The following PRKAG2 variants were observed in gnomAD, a reference collection of about 807,000 sequenced individuals.
PRKAG2 encodes 5'-AMP-activated protein kinase subunit gamma-2.
A neutral mutation model predicts 69.6 loss-of-function variants in PRKAG2; 26 were observed. The ratio of observed to expected loss-of-function variants is 0.37; its 90% confidence interval spans 0.27 to 0.52. The LOEUF is 0.52. PRKAG2 is among the 20% of genes least tolerant of loss of function. PRKAG2 has a pLI of 0.90. For synonymous variants in PRKAG2, 293 were observed against 285.0 expected (o/e 1.03, Z -0.28); for missense variants, 557 against 740.0 (o/e 0.75, Z 2.87).
intron 3 of PRKAG2, among the ~76,000 whole-genome samples, chr7:151,734,917 T>A (rs1270024239): frequency 7.0e-6 from 1 of 143,572 alleles, no homozygotes; most frequent in Non-Finnish European, 1.5e-5. Context: ...TGCAGTGGTG[T>A]GACCTGGGCT....
At chr7:151,716,616 A>G (rs1191403396) in intron 3 of PRKAG2, among the ~76,000 whole-genome samples, 1 of 151,982 alleles carries the variant, frequency 6.6e-6, no homozygotes, top group Non-Finnish European at 1.5e-5. Context: ...AGGGTATGGG[A>G]CACTGTTGCC....
At chr7:151,581,609 A>G (rs1453726386) in intron 6 of PRKAG2, among the ~76,000 whole-genome samples, 1 of 152,220 alleles carries the variant, frequency 6.6e-6, no homozygotes, top group Admixed American at 6.5e-5. Flanking sequence ...AAGAATAAAT[A>G]TTGCTATTAG....
chr7:151,626,155 C>G (rs553408865), intron 5 of PRKAG2, among the ~76,000 whole-genome samples: 548 of 152,272 alleles, frequency 3.6e-3, no homozygotes, highest in African/African-American at 0.013. Context: ...CCAGCTGGTT[C>G]CAGTTACTTG....
chr7:151,728,393 C>A (rs1216765560), intron 3 of PRKAG2, among the ~76,000 whole-genome samples: 1 of 152,130 alleles, frequency 6.6e-6, no homozygotes, highest in Non-Finnish European at 1.5e-5. Context: ...TCCTTGGGTG[C>A]CAAGGCTCCC....
At chr7:151,856,947 C>T (rs15162) in intron 1 of PRKAG2, among the ~76,000 whole-genome samples, 25 of 152,078 alleles carry the variant, frequency 1.6e-4, no homozygotes, top group African/African-American at 5.3e-4. Context: ...AAACAGAAAA[C>T]GGTGACAAAA....
At chr7:151,795,861 AT>A (rs2077487153) in intron 1 of PRKAG2, among the ~76,000 whole-genome samples, 2 of 102,286 alleles carry the variant, frequency 2.0e-5, no homozygotes, top group African/African-American at 9.9e-5. Flanking sequence ...ATATATATAT[AT>A]ATATATATAT....
rs182669955 is a variant in PRKAG2 at position 151,681,110 on chromosome 7, T to C, written c.467-5473A>G. ...GGTGTCCGCTCCTCCCATGGCCCTG[T>C]CCCCTTGCAGGCCACCCCCGTGTGA... On this transcript the variant is annotated intron_variant, in intron 3 of 15. Coordinates refer to ENST00000287878, the MANE Select transcript of PRKAG2 (RefSeq NM_016203.4). 2.0e-4 allele frequency among the ~76,000 whole-genome samples: 30 copies of C among 152,234 alleles called. No individual in the cohort carries two copies. In the East Asian group the frequency reaches 5.8e-3, roughly 29 times the overall value.
chr7:151,697,537 C>T (rs10269789), intron 3 of PRKAG2, among the ~76,000 whole-genome samples: 39,311 of 152,088 alleles, frequency 0.26, 5,229 homozygotes, highest in Non-Finnish European at 0.28. Context: ...AGCCCCTGGT[C>T]CTTGGCTTGG....
intron 6 of PRKAG2, among the ~76,000 whole-genome samples, chr7:151,584,516 T>G (rs752772838): frequency 6.6e-5 from 10 of 151,414 alleles, no homozygotes; most frequent in Non-Finnish European, 1.3e-4. Flanking sequence ...AAAGAAAAAT[T>G]GAAAAAACAA....
chr7:151,854,874 TGGCTGAG>T (rs1399963045), intron 1 of PRKAG2, among the ~76,000 whole-genome samples: 9 of 151,966 alleles, frequency 5.9e-5, no homozygotes, highest in Non-Finnish European at 1.3e-4. Context: ...AGTTCCAGGA[TGGCTGAG>T]GGCTCCATAC....
chr7:151,724,715 G>A (rs1365249457), intron 3 of PRKAG2, among the ~76,000 whole-genome samples: 1 of 152,176 alleles, frequency 6.6e-6, no homozygotes, highest in Non-Finnish European at 1.5e-5. Context: ...CCTAGCCGGA[G>A]CAGCCGCTTG....
chr7:151,613,801 A>C (rs1819452968), intron 5 of PRKAG2, among the ~76,000 whole-genome samples: 1 of 129,622 alleles, frequency 7.7e-6, no homozygotes, highest in African/African-American at 3.1e-5. Flanking sequence ...CAGCAGTCCC[A>C]AGCATTTTTT....
At chr7:151,716,274 C>T (rs977770990) in intron 3 of PRKAG2, among the ~76,000 whole-genome samples, 1 of 152,044 alleles carries the variant, frequency 6.6e-6, no homozygotes, top group Admixed American at 6.6e-5. Context: ...TAGAGGAGGC[C>T]GAGTGTGAAA....
intron 3 of PRKAG2, among the ~76,000 whole-genome samples, chr7:151,717,252 G>GA (rs79756428): frequency 0.014 from 1,327 of 94,098 alleles, 17 homozygotes; most frequent in East Asian, 0.026. Context: ...ATGTCAAAAA[G>GA]AAAAAAAAAA....
At chr7:151,579,560 C>T (rs930803834) in intron 6 of PRKAG2, among the ~76,000 whole-genome samples, 3 of 152,056 alleles carry the variant, frequency 2.0e-5, no homozygotes, top group Non-Finnish European at 4.4e-5. Flanking sequence ...TGCATCAACA[C>T]GGGGTGGATT....
intron 5 of PRKAG2, among the ~76,000 whole-genome samples, chr7:151,626,647 G>T (rs1028433085): frequency 6.6e-6 from 1 of 152,112 alleles, no homozygotes. Context: ...GTAGAGTCAA[G>T]AAACCTGCAA....
intron 3 of PRKAG2, among the ~76,000 whole-genome samples, chr7:151,763,912 C>T (rs549159905): frequency 1.3e-5 from 2 of 152,376 alleles, no homozygotes; most frequent in African/African-American, 4.8e-5. Context: ...CCCGGAAACC[C>T]GCAAGCTCTG....
chr7:151,582,359 C>T (rs556054384), intron 6 of PRKAG2, among the ~76,000 whole-genome samples: 1 of 152,152 alleles, frequency 6.6e-6, no homozygotes, highest in South Asian at 2.1e-4. Flanking sequence ...GGTTATGTTG[C>T]CCATGCTGGT....
chr7:151,560,487 AGACGCC>A (rs1247645117), intron 15 of PRKAG2, 31 bp downstream of exon 15: 1 of 1,613,966 alleles, frequency 6.2e-7, no homozygotes, highest in Non-Finnish European at 8.5e-7. Flanking sequence ...CACCCTTCCT[AGACGCC>A]GATGGCAAAG....
Sources: gnomAD v4.1 joint callset for allele counts (sites outside exome capture counted in the v4.1 genomes callset) on GRCh38, gnomAD v4.1.1 for gene constraint, MANE v1.5 for transcripts, NCBI Gene and HGNC (gene_info 2026-07-23, HGNC 2026-07-21) for gene names.